SNTG1: variants seen among roughly 807,000 people sequenced by gnomAD.
The protein encoded by SNTG1 is syntrophin gamma 1, also known as gamma-1-syntrophin.
Under a neutral mutation model 74.7 loss-of-function variants are expected in SNTG1, and 39 were observed. The observed-to-expected ratio is 0.52, with a 90% confidence interval of 0.40 to 0.68. The LOEUF is 0.68. Ranked by LOEUF, SNTG1 falls within the 30% of genes least tolerant of loss-of-function variation. The pLI is 0.00. For synonymous variants in SNTG1, 254 were observed against 217.1 expected (o/e 1.17, Z -1.49); for missense variants, 685 against 609.5 (o/e 1.12, Z -1.30).
chr8:50,016,806 T>C (rs1816363058), intron 1 of SNTG1, among the ~76,000 whole-genome samples: 1 of 152,124 alleles, frequency 6.6e-6, no homozygotes, highest in African/African-American at 2.4e-5. Context: ...ACAAACCACA[T>C]TTATTTAAGA....
rs543526993 is a variant in SNTG1 at position 50,171,441 on chromosome 8, T to G, written c.-102-1120T>G. Among the ~76,000 whole-genome samples the G allele has an allele frequency of 2.0e-5, 3 of 152,216 alleles. No homozygotes were observed. In the East Asian group the frequency reaches 5.8e-4, roughly 30 times the overall value. ...GGGCCGCTAAGCCAGTCTAGTCTTTTCATGGTTTTCTGCCTGCTTTATATC... is the reference window on the plus strand; with the variant it reads ...GGGCCGCTAAGCCAGTCTAGTCTTTGCATGGTTTTCTGCCTGCTTTATATC... On this transcript the variant is annotated intron_variant, in intron 1 of 18. Coordinates refer to ENST00000642720, the MANE Select transcript of SNTG1 (RefSeq NM_018967.5).
Position 50,394,265 on chromosome 8 carries a change from G to A in SNTG1, c.27G>A (p.Glu9=), listed in dbSNP as rs367647623. Residue 9 remains glutamate (E), a splice_region_variant and synonymous_variant, in exon 3 of 19, where the codon GAG becomes GAA. Transcript: ENST00000642720. ...TGGATTTCAGAACCGCCTGTGAGGA[G>A]GTGAGTACAGAGCTTTCTGCTTTTC... The part of the protein sequence containing the change: MDFRTACE[E]TKTGICLLQD... The A allele has an allele frequency of 6.2e-7, 1 of 1,612,786 alleles. No individual in the cohort carries two copies. The highest frequency in any genetic ancestry group is 8.5e-7 in the Non-Finnish European group (1 of 1,179,250).
chr8:50,535,425 T>C (rs769483614), intron 10 of SNTG1, among the ~76,000 whole-genome samples: 1 of 152,072 alleles, frequency 6.6e-6, no homozygotes, highest in East Asian at 1.9e-4. Context: ...CCATAACATC[T>C]GACATGAGGC....
intron 2 of SNTG1, among the ~76,000 whole-genome samples, chr8:50,255,470 A>G (rs932177211): frequency 5.3e-5 from 8 of 152,172 alleles, no homozygotes; most frequent in African/African-American, 1.7e-4. Context: ...ACAGAAATTT[A>G]TGTCCTCATA....
At chr8:50,198,468 A>G (rs1395499640) in intron 2 of SNTG1, among the ~76,000 whole-genome samples, 1 of 152,110 alleles carries the variant, frequency 6.6e-6, no homozygotes, top group East Asian at 1.9e-4. Context: ...TCCAGCCTTG[A>G]CACAGTCCTC....
At chr8:50,088,287 C>A (rs1295955695) in intron 1 of SNTG1, among the ~76,000 whole-genome samples, 1 of 148,438 alleles carries the variant, frequency 6.7e-6, no homozygotes, top group South Asian at 2.2e-4. Context: ...GACAAACCCA[C>A]AGCCAATATC....
At chr8:50,568,592 G>A (rs1417686523) in intron 12 of SNTG1, among the ~76,000 whole-genome samples, 1 of 151,976 alleles carries the variant, frequency 6.6e-6, no homozygotes, top group Non-Finnish European at 1.5e-5. Flanking sequence ...ATTAGTAATG[G>A]TGACAATTTC....
At chr8:50,781,152 G>T (rs1382939776) in intron 18 of SNTG1, among the ~76,000 whole-genome samples, 2 of 152,080 alleles carry the variant, frequency 1.3e-5, no homozygotes, top group Non-Finnish European at 2.9e-5. Flanking sequence ...AATAGGTGTT[G>T]TATGTTGCTG....
intron 1 of SNTG1, among the ~76,000 whole-genome samples, chr8:50,093,946 G>A (rs909941619): frequency 5.9e-5 from 9 of 152,074 alleles, no homozygotes; most frequent in African/African-American, 2.2e-4. Flanking sequence ...AGATAATGAG[G>A]ACATTACTTG....
chr8:49,994,906 T>C (rs1356540257), intron 1 of SNTG1, among the ~76,000 whole-genome samples: 1 of 152,174 alleles, frequency 6.6e-6, no homozygotes, highest in Non-Finnish European at 1.5e-5. Flanking sequence ...GGACACTTTA[T>C]TATTTCAATG....
chr8:50,138,465 A>G (rs546128696), intron 1 of SNTG1, among the ~76,000 whole-genome samples: 1 of 151,812 alleles, frequency 6.6e-6, no homozygotes, highest in East Asian at 1.9e-4. Context: ...TAATAAAAAA[A>G]AAATAAAAAA....
chr8:50,713,835 G>A (rs943547954), intron 17 of SNTG1, among the ~76,000 whole-genome samples: 3 of 151,946 alleles, frequency 2.0e-5, no homozygotes, highest in East Asian at 1.9e-4. Flanking sequence ...CAGGGCGGGC[G>A]GAACATGAGG....
chr8:49,915,111 A>G (rs1206132194), intron 1 of SNTG1: 2 of 152,158 alleles, frequency 1.3e-5, no homozygotes, highest in Non-Finnish European at 2.9e-5. Context: ...TGGCCATAAG[A>G]TCTTCTACAA....
intron 1 of SNTG1, among the ~76,000 whole-genome samples, chr8:50,165,634 C>T (rs945316365): frequency 2.6e-5 from 4 of 152,266 alleles, no homozygotes; most frequent in African/African-American, 9.6e-5. Context: ...AAATTGCTGC[C>T]ACTATGGCCA....
rs2083140364 is a variant in SNTG1, at chr8:50,179,936, C to T, written c.-28+7301C>T. On this transcript the variant is annotated intron_variant, in intron 2 of 18. Transcript: ENST00000642720. ...CAGCTATCCTACTGCTGGTTATATA[C>T]CCAAAGAAGGTGAAATCAGCATCTG... 2.0e-5 allele frequency among the ~76,000 whole-genome samples: 3 copies of T among 152,144 alleles called. No individual in the cohort carries two copies. The South Asian group carries it at 6.2e-4, about 31-fold the overall frequency.
intron 15 of SNTG1, among the ~76,000 whole-genome samples, chr8:50,700,729 C>T (rs2095420725): frequency 6.6e-6 from 1 of 152,200 alleles, no homozygotes; most frequent in Non-Finnish European, 1.5e-5. Context: ...TATTCTGCTT[C>T]CTTAGCATGT....
rs866186527 is a variant in SNTG1 at position 50,570,403 on chromosome 8, C to T, written c.810+17224C>T. Among the ~76,000 whole-genome samples the T allele has an allele frequency of 2.2e-4, 32 of 148,082 alleles. No individual in the cohort carries two copies. The Admixed American group carries it at 2.2e-3, about 10-fold the overall frequency. ...CCTGCGGAGTAGCTGGGACTACAGG[C>T]GCACACCACCACACCCAGCTAATTT... On this transcript the variant is annotated intron_variant, in intron 12 of 18. Coordinates refer to ENST00000642720, the MANE Select transcript of SNTG1 (RefSeq NM_018967.5).
At chr8:50,682,873 A>T (rs966839833) in intron 15 of SNTG1, among the ~76,000 whole-genome samples, 2 of 152,088 alleles carry the variant, frequency 1.3e-5, no homozygotes, top group African/African-American at 4.8e-5. Context: ...TTCCTCTCCA[A>T]ATAGCTTAAA....
chr8:50,678,435 T>A (rs2095317829), intron 15 of SNTG1, among the ~76,000 whole-genome samples: 1 of 152,092 alleles, frequency 6.6e-6, no homozygotes, highest in Non-Finnish European at 1.5e-5. Context: ...TCCAGACAAG[T>A]CCTATTTCTG....
Sources: allele counts gnomAD v4.1 joint callset (sites outside exome capture counted in the v4.1 genomes callset), GRCh38; gene constraint gnomAD v4.1.1; transcripts MANE v1.5; gene names NCBI Gene and HGNC (gene_info 2026-07-23, HGNC 2026-07-21).